The following RGS11 variants were observed in gnomAD, a reference collection of about 807,000 sequenced individuals.
The protein encoded by RGS11 is regulator of G protein signaling 11, also known as regulator of G-protein signaling 11.
RGS11 carries 86 observed loss-of-function variants against 71.1 expected under a neutral mutation model. The observed-to-expected ratio is 1.21, with a 90% confidence interval of 1.02 to 1.45. The LOEUF is 1.45. Ranked by LOEUF, RGS11 falls within the 40% of genes most tolerant of loss-of-function variation. RGS11 has a pLI of 0.00. For synonymous variants in RGS11, 298 were observed against 254.2 expected (o/e 1.17, Z -1.64); for missense variants, 734 against 635.1 (o/e 1.16, Z -1.67).
chr16:271,299 C>T lies in RGS11; in HGVS notation c.766G>A (p.Gly256Ser), dbSNP rs138806270. ...AGGGGATCGTGGGGTCCACGCTGGC[C>T]GCAGAAACTCAGGTACCTGGAAGGG... ...VCLEAYLSFC[G>S]QRGPHDPLVS... Residue 256 changes from glycine (G) to serine (S), a missense_variant, in exon 12 of 17, where the codon GGC (glycine) becomes AGC (serine). By Grantham distance (56) the Gly-to-Ser change is moderately conservative. Transcript: ENST00000397770. The T allele has an allele frequency of 6.0e-5, 96 of 1,612,812 alleles. No individual in the cohort carries two copies. The highest frequency in any genetic ancestry group is 7.9e-5 in the Non-Finnish European group (93 of 1,179,970).
intron 10 of RGS11, 36 bp downstream of exon 10, chr16:271,504 C>T (rs774993456): frequency 2.5e-6 from 4 of 1,613,864 alleles, no homozygotes; most frequent in Non-Finnish European, 3.4e-6. Flanking sequence ...CTGGGGAAGG[C>T]ACCTGGCACC....
intron 1 of RGS11, 75 bp from the exon 2 acceptor site, chr16:275,573 C>G: frequency 7.8e-7 from 1 of 1,277,168 alleles, no homozygotes; most frequent in Non-Finnish European, 1.1e-6. Context: ...CGGGATGCCC[C>G]GGATCCGGGA....
In RGS11 at chr16:268,627, A is replaced by G; in HGVS notation, c.*642T>C. ...CAGAGTTGTCTATAAATCGGGGGGG[A>G]GGCCGCGGCCTCGAGGTGGGAAAGC... On this transcript the variant is annotated 3_prime_UTR_variant, in exon 17 of 17. Transcript: ENST00000397770. 1 of 699,512 alleles carries G rather than the reference A, an allele frequency of 1.4e-6. No individual in the cohort carries two copies. Among genetic ancestry groups the G allele is most frequent in the Non-Finnish European group, 2.4e-6 (1 of 415,988 alleles). 43.3% of individuals were successfully genotyped at this position (699,512 alleles called of 1,614,324 possible). A position where few individuals can be genotyped will look rare whatever the true frequency, so the allele number is the denominator to read the frequency against.
At chr16:274,628 G>T in intron 4 of RGS11, 1 of 630,990 alleles carries the variant, frequency 1.6e-6, no homozygotes. Flanking sequence ...TGGTTAGGGA[G>T]GGCAGGAATG....
rs377693583 is a variant in RGS11, at chr16:274,273, G to T, written c.319-8C>A. 69 of 1,607,904 alleles carry T rather than the reference G, an allele frequency of 4.3e-5. No individual in the cohort carries two copies. The highest frequency in any genetic ancestry group is 5.4e-5 in the Non-Finnish European group (64 of 1,177,552). On this transcript the variant is annotated splice_polypyrimidine_tract_variant and splice_region_variant and intron_variant, in intron 4 of 16. Transcript: ENST00000397770. ...TGTCCAGAAGTACGGGGTCTGGCGT[G>T]GTGCAGGGAGAAGGTGTCCAGGACG...
chr16:274,799 G>T (rs1417817559), intron 4 of RGS11, 177 bp downstream of exon 4: 9 of 863,634 alleles, frequency 1.0e-5, no homozygotes, highest in Non-Finnish European at 1.1e-5. Context: ...CACCACATCC[G>T]TACTTGCGGT....
In RGS11 at chr16:270,421, C is replaced by T. The variant is rs541926571; in HGVS notation, c.1206+102G>A. The T allele has an allele frequency of 2.2e-4, 299 of 1,375,080 alleles. 1 individual carries two copies. The highest frequency in any genetic ancestry group is 1.6e-3 in the Middle Eastern group (6 of 3,844). The allele number at this position is 1,375,080 out of a possible 1,614,324, so 85.2% of individuals were successfully genotyped here. A position where few individuals can be genotyped will look rare whatever the true frequency, so the allele number is the denominator to read the frequency against. On this transcript the variant is annotated intron_variant, in intron 15 of 16. Transcript: ENST00000397770. ...GGAAGGTGCTCCCCAGGGGCAGAGT[C>T]AACGTGGGCAGTGCCTGTGCGGACA...
In RGS11 at chr16:268,960, C is replaced by A; in HGVS notation, c.*309G>T. Reference sequence around the variant, plus strand: ...GGGCACCCAGTGCTGGACTGAAGACCAGAGAAGGTGGAGCTCCCTGTGGCC... The same window carrying A: ...GGGCACCCAGTGCTGGACTGAAGACAAGAGAAGGTGGAGCTCCCTGTGGCC... On this transcript the variant is annotated 3_prime_UTR_variant, in exon 17 of 17. Transcript: ENST00000397770. 1 of 1,548,480 alleles carries A rather than the reference C, an allele frequency of 6.5e-7. No individual in the cohort carries two copies. Among genetic ancestry groups the A allele is most frequent in the Non-Finnish European group, 8.7e-7 (1 of 1,145,132 alleles).
chr16:268,632 G>A lies in RGS11; in HGVS notation c.*637C>T, dbSNP rs945184384. On this transcript the variant is annotated 3_prime_UTR_variant, in exon 17 of 17. Transcript: ENST00000397770. ...TTGTCTATAAATCGGGGGGGAGGCC[G>A]CGGCCTCGAGGTGGGAAAGCAGGTG... is the stretch of plus-strand genomic sequence containing the variant. 33 of 748,724 alleles carry A rather than the reference G, an allele frequency of 4.4e-5. No homozygotes were observed. Among genetic ancestry groups the A allele is most frequent in the East Asian group, 4.0e-4 (15 of 37,046 alleles). 46.4% of individuals were successfully genotyped at this position (748,724 alleles called of 1,614,324 possible). A position where few individuals can be genotyped will look rare whatever the true frequency, so the allele number is the denominator to read the frequency against.
Position 270,394 on chromosome 16 carries a change from G to A in RGS11, c.1206+129C>T, listed in dbSNP as rs369347593. 34 of 1,152,052 alleles carry A rather than the reference G, an allele frequency of 3.0e-5. No homozygotes were observed. The African/African-American group carries it at 4.5e-4, about 15-fold the overall frequency. 71.4% of individuals were successfully genotyped at this position (1,152,052 alleles called of 1,614,324 possible). A position where few individuals can be genotyped will look rare whatever the true frequency, so the allele number is the denominator to read the frequency against. ...GCGGCCAGGGCGGCCCCAACCAGGT[G>A]GGGAAGGTGCTCCCCAGGGGCAGAG... On this transcript the variant is annotated intron_variant, in intron 15 of 16. Transcript: ENST00000397770.
intron 6 of RGS11, 29 bp downstream of exon 6, chr16:274,014 G>C: frequency 6.7e-7 from 1 of 1,501,870 alleles, no homozygotes; most frequent in Non-Finnish European, 8.9e-7. Flanking sequence ...GCTGTACCCA[G>C]CCGGGGCGGG....
Position 268,611 on chromosome 16 carries a change from C to G in RGS11, c.*658G>C. 1 of 661,774 alleles carries G rather than the reference C, an allele frequency of 1.5e-6. No individual in the cohort carries two copies. The highest frequency in any genetic ancestry group is 2.6e-6 in the Non-Finnish European group (1 of 381,708). The allele number at this position is 661,774 out of a possible 1,614,324, so 41.0% of individuals were successfully genotyped here. A position where few individuals can be genotyped will look rare whatever the true frequency, so the allele number is the denominator to read the frequency against. On this transcript the variant is annotated 3_prime_UTR_variant, in exon 17 of 17. Transcript: ENST00000397770. ...AGTGGGGTGACAATGTCAGAGTTGT[C>G]TATAAATCGGGGGGGAGGCCGCGGC...
rs571085629 is a variant in RGS11, at chr16:273,773, T to C, written c.493A>G (p.Arg165Gly). The change falls in exon 7 of 17, where the codon AGG (arginine) becomes GGG (glycine). Residue 165 changes from arginine to glycine, a missense_variant. By Grantham distance (125) the Arg-to-Gly change is moderately radical. Transcript: ENST00000397770. Reference protein sequence around the residue: ...HAWDLVLMQAREQLRAAKQRS... With the variant: ...HAWDLVLMQAGEQLRAAKQRS... ...GCGGGGCCTCACCTCAGCTGCTCCC[T>C]CGCCTGCATCAGCACCAGGTCCCAT... The C allele has an allele frequency of 2.1e-5, 34 of 1,612,652 alleles. No individual in the cohort carries two copies. In the South Asian group the frequency reaches 3.3e-4, roughly 16 times the overall value.
At chr16:272,262 A>C in intron 9 of RGS11, 1 of 1,227,504 alleles carries the variant, frequency 8.1e-7, no homozygotes, top group South Asian at 1.4e-5. Context: ...CGCTGGGGCC[A>C]GAGCGGAGGA....
At chr16:273,216 C>T (rs2052015071) in intron 8 of RGS11, among the ~76,000 whole-genome samples, 1 of 152,146 alleles carries the variant, frequency 6.6e-6, no homozygotes, top group South Asian at 2.1e-4. Flanking sequence ...GTCTGCAGTC[C>T]CCGCAATCTG....
At chr16:273,964 GA>G (rs2052050424) in intron 6 of RGS11, 78 bp downstream of exon 6, 6 of 1,473,612 alleles carry the variant, frequency 4.1e-6, no homozygotes, top group African/African-American at 2.8e-5. Flanking sequence ...GGTAAACCGT[GA>G]AGCCCCGGGG....
chr16:275,496 C>T lies in RGS11; in HGVS notation c.66G>A (p.Met22Ile). 2 of 1,567,874 alleles carry T rather than the reference C, an allele frequency of 1.3e-6. No homozygotes were observed. The highest frequency in any genetic ancestry group is 1.7e-6 in the Non-Finnish European group (2 of 1,164,212). Residue 22 changes from methionine to isoleucine, a missense_variant and splice_region_variant, in exon 2 of 17, where the codon ATG (methionine) becomes ATA (isoleucine). By Grantham distance (10) the Met-to-Ile change is conservative (BLOSUM62 1). Transcript: ENST00000397770. ...CCTGCATGCTCACGACCACCCGCTC[C>T]ATCTGGGCGGAGGGAGTCGTCAGGG... ...PRAQMPHLRK[M>I]ERVVVSMQDP... is the part of the protein sequence containing the mutation.
chr16:270,705 T>G (rs1163223237), intron 14 of RGS11, 39 bp downstream of exon 14: 5 of 1,609,736 alleles, frequency 3.1e-6, no homozygotes, highest in Non-Finnish European at 4.2e-6. Context: ...TGGGTGCACC[T>G]GCCCGTTGGC....
At chr16:271,922 C>T (rs936062940) in intron 9 of RGS11, 37 of 325,476 alleles carry the variant, frequency 1.1e-4, no homozygotes, top group African/African-American at 5.6e-4. Context: ...CCGCAACCTC[C>T]GCCTCCTGGA....
Sources: gnomAD v4.1 joint callset for allele counts (sites outside exome capture counted in the v4.1 genomes callset) on GRCh38, gnomAD v4.1.1 for gene constraint, MANE v1.5 for transcripts, NCBI Gene and HGNC (gene_info 2026-07-23, HGNC 2026-07-21) for gene names.